Variants in ADGRF5 observed in about 807,000 individuals in gnomAD.
ADGRF5 encodes G-protein coupled receptor 116.
In ADGRF5, 75 loss-of-function variants were observed where a neutral mutation model predicts 132.3. The observed-to-expected ratio is 0.57, with a 90% CI of 0.47 to 0.69. The LOEUF is 0.69. Among genes scored for constraint, ADGRF5 ranks in the 30% least tolerant of loss-of-function variants. The pLI is 0.00. For synonymous variants in ADGRF5, 629 were observed against 597.6 expected (o/e 1.05, Z -0.77); for missense variants, 1,516 against 1,630.6 (o/e 0.93, Z 1.21).
chr6:46,860,017 G>C (rs896845238), intron 16 of ADGRF5, among the ~76,000 whole-genome samples: 15 of 152,120 alleles, frequency 9.9e-5, no homozygotes, highest in Admixed American at 9.2e-4. Context: ...GGGAAGTGGA[G>C]ATACATCTTT....
chr6:46,946,836 G>C (rs1317912056), intron 1 of ADGRF5, among the ~76,000 whole-genome samples: 4 of 152,204 alleles, frequency 2.6e-5, no homozygotes, highest in Non-Finnish European at 5.9e-5. Context: ...ACATGTGTAT[G>C]TGCATGGTGC....
intron 11 of ADGRF5, 146 bp from the exon 12 acceptor site, chr6:46,869,238 A>G (rs971789047): frequency 5.7e-5 from 84 of 1,472,970 alleles, no homozygotes; most frequent in Non-Finnish European, 7.0e-5. Flanking sequence ...GTCAAGGTAG[A>G]ATTGGTACCT....
At chr6:46,949,447 A>G (rs904252223) in intron 1 of ADGRF5, among the ~76,000 whole-genome samples, 1 of 152,218 alleles carries the variant, frequency 6.6e-6, no homozygotes, top group African/African-American at 2.4e-5. Context: ...TCCCTACTTC[A>G]CAAAGAGACT....
intron 12 of ADGRF5, among the ~76,000 whole-genome samples, chr6:46,868,293 T>A (rs1012386616): frequency 3.9e-5 from 6 of 152,208 alleles, no homozygotes; most frequent in Non-Finnish European, 7.3e-5. Flanking sequence ...ATGGGGCTAA[T>A]AATAACAGTA....
At chr6:46,910,755 C>A (rs904285375) in intron 1 of ADGRF5, among the ~76,000 whole-genome samples, 1 of 152,072 alleles carries the variant, frequency 6.6e-6, no homozygotes, top group Non-Finnish European at 1.5e-5. Context: ...AGACACCTGA[C>A]CAGGCAACTG....
chr6:46,885,804 C>T (rs1261618044), intron 4 of ADGRF5, among the ~76,000 whole-genome samples: 4 of 152,156 alleles, frequency 2.6e-5, no homozygotes, highest in East Asian at 1.9e-4. Context: ...TAAGTTTATA[C>T]GTGTATAGAA....
At chr6:46,941,418 A>AAAGAG (rs1778060196) in intron 1 of ADGRF5, among the ~76,000 whole-genome samples, 1 of 47,342 alleles carries the variant, frequency 2.1e-5, no homozygotes, top group African/African-American at 8.0e-5. Context: ...AAAGAAAAGA[A>AAAGAG]AAGAAAAGAA....
At chr6:46,883,699 T>A in intron 5 of ADGRF5, 34 bp from the exon 6 acceptor site, 1 of 1,102,566 alleles carries the variant, frequency 9.1e-7, no homozygotes, top group Non-Finnish European at 1.4e-6. Flanking sequence ...TTTAAAAATA[T>A]GTTAATGTCT....
At chr6:46,928,934 C>T (rs1241990997) in intron 1 of ADGRF5, among the ~76,000 whole-genome samples, 33 of 152,118 alleles carry the variant, frequency 2.2e-4, no homozygotes, top group East Asian at 1.9e-4. Flanking sequence ...GTCAGTGTGG[C>T]GATTCCTCAG....
At chr6:46,942,449 T>C (rs534210183) in intron 1 of ADGRF5, among the ~76,000 whole-genome samples, 1 of 152,334 alleles carries the variant, frequency 6.6e-6, no homozygotes, top group South Asian at 2.1e-4. Context: ...TGGGTTGAAG[T>C]CCTAGTTCTA....
At chr6:46,910,307 T>C (rs926764791) in intron 1 of ADGRF5, among the ~76,000 whole-genome samples, 2 of 152,152 alleles carry the variant, frequency 1.3e-5, no homozygotes, top group African/African-American at 2.4e-5. Flanking sequence ...TTATAATTGG[T>C]GGGTAATAAT....
At chr6:46,920,349 T>A (rs955027304) in intron 1 of ADGRF5, among the ~76,000 whole-genome samples, 1 of 152,310 alleles carries the variant, frequency 6.6e-6, no homozygotes, top group South Asian at 2.1e-4. Flanking sequence ...GAGCTATTCA[T>A]GTTTCCCATG....
chr6:46,889,904 T>C (rs561299062), intron 3 of ADGRF5, among the ~76,000 whole-genome samples: 9 of 151,722 alleles, frequency 5.9e-5, no homozygotes, highest in Non-Finnish European at 1.3e-4. Context: ...CCTTACTTAC[T>C]CCATCTGGCA....
chr6:46,948,831 A>T (rs1418516793), intron 1 of ADGRF5, among the ~76,000 whole-genome samples: 1 of 152,156 alleles, frequency 6.6e-6, no homozygotes, highest in African/African-American at 2.4e-5. Flanking sequence ...CATTGATCCA[A>T]CCGAGGTGAT....
intron 1 of ADGRF5, among the ~76,000 whole-genome samples, chr6:46,948,137 G>A (rs60861235): frequency 0.02 from 3,079 of 152,276 alleles, 44 homozygotes; most frequent in Middle Eastern, 0.054. Context: ...GGCATGAAAA[G>A]CTTTGCTTGT....
intron 3 of ADGRF5, among the ~76,000 whole-genome samples, chr6:46,892,494 G>A (rs899738653): frequency 6.6e-6 from 1 of 152,176 alleles, no homozygotes; most frequent in Non-Finnish European, 1.5e-5. Context: ...GCTCACGCTT[G>A]TAATCCCAGC....
At chr6:46,951,250 C>T (rs761754) in intron 1 of ADGRF5, among the ~76,000 whole-genome samples, 102,789 of 152,054 alleles carry the variant, frequency 0.68, 34,997 homozygotes, top group East Asian at 0.86. Flanking sequence ...AGGAGCAACA[C>T]GAAGCAAGAA....
In ADGRF5 at chr6:46,876,585, G is replaced by C. The variant is rs568767151; in HGVS notation, c.1240+1617C>G. On this transcript the variant is annotated intron_variant, in intron 10 of 20. Coordinates refer to ENST00000283296, the MANE Select transcript of ADGRF5 (RefSeq NM_001098518.2). ...AAATTACATGTGCTTAGGAAAATTT[G>C]CCTGTAAATTGATAGTTTTTGTTGT... 2.6e-5 allele frequency among the ~76,000 whole-genome samples: 4 copies of C among 152,158 alleles called. No homozygotes were observed. The South Asian group carries it at 8.3e-4, about 32-fold the overall frequency.
chr6:46,932,520 GC>G (rs1777602336), intron 1 of ADGRF5, among the ~76,000 whole-genome samples: 1 of 152,112 alleles, frequency 6.6e-6, no homozygotes, highest in South Asian at 2.1e-4. Context: ...GCACATTAAT[GC>G]CCCCTGAAGC....
Sources: allele counts gnomAD v4.1 joint callset (sites outside exome capture counted in the v4.1 genomes callset), GRCh38; gene constraint gnomAD v4.1.1; transcripts MANE v1.5; gene names NCBI Gene and HGNC (gene_info 2026-07-23, HGNC 2026-07-21).